Variants in TENM3 observed in about 807,000 individuals in gnomAD.
TENM3 encodes teneurin transmembrane protein 3.
TENM3 carries 63 observed loss-of-function variants against 255.1 expected under a neutral mutation model. That is an observed-to-expected ratio of 0.25 (90% confidence interval 0.20 to 0.30). The LOEUF is 0.30. TENM3 is among the 10% of genes least tolerant of loss of function. The pLI, the probability that TENM3 is intolerant of heterozygous loss-of-function variation, is 1.00. For synonymous variants in TENM3, 1,306 were observed against 1,322.3 expected (o/e 0.99, Z 0.27); for missense variants, 2,929 against 3,461.1 (o/e 0.85, Z 3.86).
At chr4:182,419,184 T>G (rs55645363) in intron 3 of TENM3, among the ~76,000 whole-genome samples, 2,217 of 152,268 alleles carry the variant, frequency 0.015, 45 homozygotes, top group African/African-American at 0.05. Flanking sequence ...TATTGAACTT[T>G]TATATAAACT....
chr4:182,600,071 A>AGACTC (rs1747678710), intron 3 of TENM3, among the ~76,000 whole-genome samples: 1 of 152,240 alleles, frequency 6.6e-6, no homozygotes, highest in Non-Finnish European at 1.5e-5. Flanking sequence ...AAAACACAGT[A>AGACTC]TTTATGTTTT....
chr4:182,063,429 T>C, the TENM3 span, among the ~76,000 whole-genome samples: 233 of 152,348 alleles, frequency 1.5e-3, no homozygotes, highest in African/African-American at 5.3e-3. Flanking sequence ...ACGTAAGCAC[T>C]TGGATAAAAG....
At chr4:181,893,907 T>C in the TENM3 span, among the ~76,000 whole-genome samples, 1 of 152,156 alleles carries the variant, frequency 6.6e-6, no homozygotes, top group East Asian at 1.9e-4. Context: ...AACTATACAC[T>C]TAGCAAAGCA....
the TENM3 span, among the ~76,000 whole-genome samples, chr4:181,931,232 T>G: frequency 6.6e-6 from 1 of 152,190 alleles, no homozygotes; most frequent in African/African-American, 2.4e-5. Flanking sequence ...ATTCTTTCTG[T>G]TTGCAGATGA....
intron 3 of TENM3, among the ~76,000 whole-genome samples, chr4:182,440,396 G>A (rs528633871): frequency 2.4e-4 from 37 of 152,258 alleles, no homozygotes; most frequent in Admixed American, 2.4e-3. Flanking sequence ...ACAGGCGTGA[G>A]CCACTGCAGC....
At chr4:182,066,461 G>C in the TENM3 span, among the ~76,000 whole-genome samples, 2 of 152,050 alleles carry the variant, frequency 1.3e-5, no homozygotes, top group Non-Finnish European at 2.9e-5. Flanking sequence ...CCACAGCCTC[G>C]ATGTGTGGCT....
chr4:181,544,422 A>AAAAAAAAAAG, the TENM3 span, among the ~76,000 whole-genome samples: 15 of 146,882 alleles, frequency 1.0e-4, 1 homozygote, highest in South Asian at 3.2e-3. Flanking sequence ...AAAAAAAAAA[A>AAAAAAAAAAG]AAAAAAAAAA....
At chr4:182,731,692 GGGGTGTGT>G (rs1307128666) in intron 16 of TENM3, among the ~76,000 whole-genome samples, 2 of 71,280 alleles carry the variant, frequency 2.8e-5, no homozygotes, top group Non-Finnish European at 5.2e-5. Context: ...AGTGGGTGTT[GGGGTGTGT>G]GTGTGTGTGT....
At chr4:182,351,094 T>TTG (rs909164066) in intron 3 of TENM3, among the ~76,000 whole-genome samples, 3 of 151,344 alleles carry the variant, frequency 2.0e-5, no homozygotes, top group Non-Finnish European at 4.4e-5. Context: ...ACAAAGGGCT[T>TTG]TTTTTTATTT....
At chr4:182,289,051 C>G (rs556413832) in intron 1 of TENM3, among the ~76,000 whole-genome samples, 39 of 151,702 alleles carry the variant, frequency 2.6e-4, no homozygotes, top group African/African-American at 8.0e-4. Context: ...ACAGCAAGAC[C>G]CTGTCTTGGC....
chr4:182,094,955 AAG>A, the TENM3 span, among the ~76,000 whole-genome samples: 40,776 of 147,552 alleles, frequency 0.28, 5,531 homozygotes, highest in Middle Eastern at 0.36. Context: ...AAAAAAAAAA[AAG>A]GAAATTTTTA....
chr4:182,437,510 T>C (rs919084479), intron 3 of TENM3, among the ~76,000 whole-genome samples: 1 of 151,744 alleles, frequency 6.6e-6, no homozygotes, highest in African/African-American at 2.4e-5. Context: ...AAATAGCTGA[T>C]GGCTGGCTGG....
chr4:181,807,792 T>A, the TENM3 span, among the ~76,000 whole-genome samples: 3 of 152,244 alleles, frequency 2.0e-5, no homozygotes, highest in African/African-American at 7.2e-5. Flanking sequence ...TTACATGATG[T>A]GAAATTGTAT....
At chr4:182,693,377 C>T (rs903029192) in intron 12 of TENM3, among the ~76,000 whole-genome samples, 1 of 151,598 alleles carries the variant, frequency 6.6e-6, no homozygotes, top group African/African-American at 2.4e-5. Flanking sequence ...CACTCTGTCG[C>T]CCAGGCTGGA....
the TENM3 span, among the ~76,000 whole-genome samples, chr4:181,706,365 C>T: frequency 3.3e-5 from 5 of 152,168 alleles, no homozygotes; most frequent in East Asian, 1.9e-4. Context: ...CTTCAATATG[C>T]GGGGATGGGG....
chr4:181,931,282 A>G, the TENM3 span, among the ~76,000 whole-genome samples: 2 of 152,230 alleles, frequency 1.3e-5, no homozygotes, highest in Admixed American at 1.3e-4. Context: ...TCTCAGCCCA[A>G]AATATCCTAA....
the TENM3 span, among the ~76,000 whole-genome samples, chr4:182,135,710 A>G: frequency 1.1e-4 from 16 of 152,342 alleles, no homozygotes; most frequent in Non-Finnish European, 1.9e-4. Context: ...GGTGGTATTG[A>G]TGATGTAAAC....
rs187312842 is a variant in TENM3, at chr4:182,719,466, G to A, written c.2368+5233G>A. Among the ~76,000 whole-genome samples the A allele has an allele frequency of 6.7e-3, 1,015 of 151,656 alleles. 14 individuals are homozygous for A. Among genetic ancestry groups the A allele is most frequent in the African/African-American group, 0.023 (955 of 41,376 alleles). On this transcript the variant is annotated intron_variant, in intron 13 of 27. Coordinates refer to ENST00000511685, the MANE Select transcript of TENM3 (RefSeq NM_001080477.4). ...TAGTAGAGACGGGGTTCACCATGTT[G>A]GCCAGGATGGTCTCGAACTCCTGAC...
chr4:182,744,225 A>G, intron 19 of TENM3: 1 of 884,792 alleles, frequency 1.1e-6, no homozygotes, highest in Non-Finnish European at 1.4e-6. Flanking sequence ...TTTCAATGTG[A>G]CCCTCTGAAA....
Sources: gnomAD v4.1 joint callset for allele counts (sites outside exome capture counted in the v4.1 genomes callset) on GRCh38, gnomAD v4.1.1 for gene constraint, MANE v1.5 for transcripts, NCBI Gene and HGNC (gene_info 2026-07-23, HGNC 2026-07-21) for gene names.